Variants in LRRTM4 observed in about 807,000 individuals in gnomAD.
The protein encoded by LRRTM4 is leucine rich repeat transmembrane neuronal 4, also known as leucine-rich repeat transmembrane neuronal protein 4.
A neutral mutation model predicts 47.6 loss-of-function variants in LRRTM4; 25 were observed. That is an observed-to-expected ratio of 0.53 (90% confidence interval 0.38 to 0.73). The LOEUF (loss-of-function observed/expected upper bound fraction) is 0.73. LRRTM4 is among the 30% of genes least tolerant of loss of function. The probability of loss-of-function intolerance (pLI) is 0.00; values close to 1 mark genes in which losing one functional copy is unlikely to be tolerated. For missense variants in LRRTM4, 638 were observed against 713.4 expected (o/e 0.89, Z 1.20); for synonymous variants, 311 against 269.5 (o/e 1.15, Z -1.51).
rs377522858 is a variant in LRRTM4 at position 76,819,892 on chromosome 2, G to C, written c.1552-70976C>G. ...CTTTTTCAGGAATCCCAGCCCATCTGTACAACCACTGTGTGATCTGAGTCT... is the reference window on the plus strand; with the variant it reads ...CTTTTTCAGGAATCCCAGCCCATCTCTACAACCACTGTGTGATCTGAGTCT... On this transcript the variant is annotated intron_variant, in intron 3 of 3. Transcript: ENST00000409884. Among the ~76,000 whole-genome samples, 16 of 152,020 alleles carry C rather than the reference G, an allele frequency of 1.1e-4. No individual in the cohort carries two copies. The South Asian group carries it at 3.3e-3, about 31-fold the overall frequency.
At chr2:77,152,414 T>G (rs1049346976) in intron 3 of LRRTM4, among the ~76,000 whole-genome samples, 1 of 152,104 alleles carries the variant, frequency 6.6e-6, no homozygotes, top group Admixed American at 6.5e-5. Context: ...CTGCAACCTC[T>G]GCCTCCTGGG....
chr2:77,090,498 C>T (rs1670577061), intron 3 of LRRTM4, among the ~76,000 whole-genome samples: 1 of 152,228 alleles, frequency 6.6e-6, no homozygotes, highest in Admixed American at 6.5e-5. Context: ...ATTAACCTCG[C>T]CTTCAAGGTG....
At chr2:76,805,775 G>T (rs879755465) in intron 3 of LRRTM4, among the ~76,000 whole-genome samples, 4 of 152,094 alleles carry the variant, frequency 2.6e-5, no homozygotes, top group Non-Finnish European at 4.4e-5. Context: ...CTTGAAGGTA[G>T]TTCCTCTTAC....
At chr2:77,073,879 T>C (rs1016083385) in intron 3 of LRRTM4, among the ~76,000 whole-genome samples, 4 of 152,078 alleles carry the variant, frequency 2.6e-5, no homozygotes, top group African/African-American at 9.7e-5. Flanking sequence ...TGAAGCTTCT[T>C]GATTTTTATG....
chr2:76,861,040 T>G (rs777508253), intron 3 of LRRTM4, among the ~76,000 whole-genome samples: 5 of 152,056 alleles, frequency 3.3e-5, no homozygotes, highest in Admixed American at 1.3e-4. Context: ...TTTTTCTGTT[T>G]TTTCCCTTTT....
chr2:77,471,894 C>A (rs1216725610), intron 3 of LRRTM4, among the ~76,000 whole-genome samples: 1 of 152,106 alleles, frequency 6.6e-6, no homozygotes, highest in Non-Finnish European at 1.5e-5. Context: ...TGTGTAAATT[C>A]TGTATTTACA....
chr2:77,212,885 A>C (rs934621313), intron 3 of LRRTM4, among the ~76,000 whole-genome samples: 1 of 152,132 alleles, frequency 6.6e-6, no homozygotes, highest in African/African-American at 2.4e-5. Context: ...GAGAAATGAA[A>C]CATTTTAGGA....
At chr2:77,095,192 C>G (rs1471361043) in intron 3 of LRRTM4, among the ~76,000 whole-genome samples, 1 of 152,120 alleles carries the variant, frequency 6.6e-6, no homozygotes, top group Non-Finnish European at 1.5e-5. Flanking sequence ...CAAATTAAAA[C>G]CACAGTGAGA....
chr2:77,287,513 T>C (rs574632661), intron 3 of LRRTM4, among the ~76,000 whole-genome samples: 1 of 152,154 alleles, frequency 6.6e-6, no homozygotes, highest in Non-Finnish European at 1.5e-5. Flanking sequence ...TTACCTCAGG[T>C]GAACCCCAGT....
Position 76,963,327 on chromosome 2 carries a change from G to C in LRRTM4, c.1552-214411C>G, listed in dbSNP as rs1284743031. On this transcript the variant is annotated intron_variant, in intron 3 of 3. Coordinates refer to ENST00000409884, the MANE Select transcript of LRRTM4 (RefSeq NM_001134745.3). ...GTAAATGGCGATTCTACTTAAGAAG[G>C]CATTACTATTAGTTATCATTGCTCT... Among the ~76,000 whole-genome samples, 5 of 150,670 alleles carry C rather than the reference G, an allele frequency of 3.3e-5. No individual in the cohort carries two copies. In the Admixed American group the frequency reaches 3.3e-4, roughly 10 times the overall value.
chr2:77,366,885 ATCTG>A (rs1183851281), intron 3 of LRRTM4, among the ~76,000 whole-genome samples: 2 of 151,800 alleles, frequency 1.3e-5, no homozygotes, highest in African/African-American at 4.8e-5. Flanking sequence ...TTAGCCCCCC[ATCTG>A]TCTGTCCAAA....
At chr2:77,357,274 G>A (rs1024914206) in intron 3 of LRRTM4, among the ~76,000 whole-genome samples, 30 of 152,160 alleles carry the variant, frequency 2.0e-4, no homozygotes, top group African/African-American at 6.0e-4. Flanking sequence ...TAAGAATAAC[G>A]TCTTACAAAA....
At chr2:77,355,117 C>A (rs1278727396) in intron 3 of LRRTM4, among the ~76,000 whole-genome samples, 1 of 152,088 alleles carries the variant, frequency 6.6e-6, no homozygotes, top group Admixed American at 6.5e-5. Flanking sequence ...TAATAACTTG[C>A]CACTGATGTT....
intron 3 of LRRTM4, among the ~76,000 whole-genome samples, chr2:77,171,440 C>T (rs1035163580): frequency 6.6e-6 from 1 of 151,914 alleles, no homozygotes; most frequent in East Asian, 1.9e-4. Context: ...CCACACCAGG[C>T]TTATCTTTGT....
At chr2:77,352,823 C>CA (rs1242486849) in intron 3 of LRRTM4, among the ~76,000 whole-genome samples, 3 of 151,568 alleles carry the variant, frequency 2.0e-5, no homozygotes, top group Admixed American at 2.0e-4. Context: ...AATAGAGAAA[C>CA]AAAAAATAAC....
intron 3 of LRRTM4, among the ~76,000 whole-genome samples, chr2:77,246,822 C>A (rs567199842): frequency 6.6e-6 from 1 of 151,804 alleles, no homozygotes; most frequent in African/African-American, 2.4e-5. Context: ...ACATATGACA[C>A]GCCTATATAC....
chr2:77,259,745 G>A (rs1675867433), intron 3 of LRRTM4, among the ~76,000 whole-genome samples: 1 of 151,966 alleles, frequency 6.6e-6, no homozygotes, highest in Non-Finnish European at 1.5e-5. Context: ...CTAAGATAGT[G>A]AGCATGATTC....
chr2:76,778,491 G>T (rs1170333033), intron 3 of LRRTM4, among the ~76,000 whole-genome samples: 1 of 149,008 alleles, frequency 6.7e-6, no homozygotes, highest in East Asian at 1.9e-4. Context: ...AGTCTTGGGA[G>T]AGTGTATGTG....
chr2:77,501,587 G>C (rs1203591203), intron 3 of LRRTM4, among the ~76,000 whole-genome samples: 1 of 150,574 alleles, frequency 6.6e-6, no homozygotes, highest in Non-Finnish European at 1.5e-5. Flanking sequence ...GAGAATCTTT[G>C]TACCATACAA....
Sources: gnomAD v4.1 joint callset for allele counts (sites outside exome capture counted in the v4.1 genomes callset) on GRCh38, gnomAD v4.1.1 for gene constraint, MANE v1.5 for transcripts, NCBI Gene and HGNC (gene_info 2026-07-23, HGNC 2026-07-21) for gene names.